Variants in SSBP3 observed in about 807,000 individuals in gnomAD.
SSBP3 encodes single stranded DNA binding protein 3.
In SSBP3, 5 loss-of-function variants were observed where a neutral mutation model predicts 69.6. The ratio of observed to expected loss-of-function variants is 0.07; its 90% CI spans 0.04 to 0.15. SSBP3 has a LOEUF of 0.15. Among genes scored for constraint, SSBP3 ranks in the 10% least tolerant of loss-of-function variants. The probability of loss-of-function intolerance (pLI) is 1.00; values close to 1 mark genes in which losing one functional copy is unlikely to be tolerated. For missense variants in SSBP3, 312 were observed against 534.0 expected (o/e 0.58, Z 4.10); for synonymous variants, 196 against 193.4 (o/e 1.01, Z -0.11).
Position 54,343,866 on chromosome 1 carries a change from C to T in SSBP3, c.276+57995G>A, listed in dbSNP as rs114006846. ...ACATCAATCACAAAAAGCTTTGGAC[C>T]AGGAGAAGGGGCTAGGAGAGCCACT... On this transcript the variant is annotated intron_variant, in intron 4 of 17. Transcript: ENST00000610401. 1.9e-3 allele frequency among the ~76,000 whole-genome samples: 285 copies of T among 152,262 alleles called. 2 individuals carry two copies. Among genetic ancestry groups the T allele is most frequent in the African/African-American group, 6.6e-3 (274 of 41,544 alleles).
Position 54,258,700 on chromosome 1 carries a change from G to A in SSBP3, c.367-551C>T, listed in dbSNP as rs528626544. 2.0e-5 allele frequency among the ~76,000 whole-genome samples: 3 copies of A among 152,300 alleles called. No individual in the cohort carries two copies. Among genetic ancestry groups the A allele is most frequent in the East Asian group, 3.9e-4 (2 of 5,176 alleles). Reference sequence around the variant, plus strand: ...GCGACGGGTTTCCTGGGGGCAGGAGGGCCGGGGGCACCGACAGATAAACAA... The same window carrying A: ...GCGACGGGTTTCCTGGGGGCAGGAGAGCCGGGGGCACCGACAGATAAACAA... On this transcript the variant is annotated intron_variant, in intron 5 of 17. Transcript: ENST00000610401. This position sits in a 1 kb window ranked among gnomAD's most constrained non-coding sequence, Gnocchi z 4.5.
intron 1 of SSBP3, chr1:54,412,661 C>G (rs1318082101): frequency 1.3e-5 from 2 of 152,204 alleles, no homozygotes; most frequent in Non-Finnish European, 2.9e-5. Flanking sequence ...CTCAATGCCA[C>G]TGAAGTGTAC....
At chr1:54,249,419 G>A (rs1028569255) in intron 9 of SSBP3, among the ~76,000 whole-genome samples, 5 of 152,324 alleles carry the variant, frequency 3.3e-5, no homozygotes, top group South Asian at 4.1e-4. Context: ...ACCTGGCCAG[G>A]CACGGTGGCT....
chr1:54,305,652 G>A (rs922934510), intron 4 of SSBP3, among the ~76,000 whole-genome samples: 12 of 150,420 alleles, frequency 8.0e-5, no homozygotes, highest in Non-Finnish European at 1.5e-4. Flanking sequence ...AGAGAGAGAC[G>A]AGGTCTCATT....
chr1:54,373,325 T>A (rs1379647638), intron 4 of SSBP3, among the ~76,000 whole-genome samples: 1 of 152,180 alleles, frequency 6.6e-6, no homozygotes, highest in Non-Finnish European at 1.5e-5. Context: ...TGTCTGGGAC[T>A]CGGTTTCCTC....
At chr1:54,299,711 T>C (rs1234497732) in intron 4 of SSBP3, among the ~76,000 whole-genome samples, 9 of 152,194 alleles carry the variant, frequency 5.9e-5, no homozygotes, top group Non-Finnish European at 1.2e-4. Context: ...CCATCTGCCA[T>C]CTAGACACGG....
In SSBP3 at chr1:54,236,260, C is replaced by T. The variant is rs183031701; in HGVS notation, c.927+2869G>A. 9.1e-4 allele frequency among the ~76,000 whole-genome samples: 139 copies of T among 152,212 alleles called. 1 individual carries two copies. The highest frequency in any genetic ancestry group is 3.2e-3 in the African/African-American group (133 of 41,544). On this transcript the variant is annotated intron_variant, in intron 14 of 17. Transcript: ENST00000610401. ...CCTCCCGAGTGGCTGGGACTACAGACATGTACCACCACACCTAGCTAATGT... is the reference window on the plus strand; with the variant it reads ...CCTCCCGAGTGGCTGGGACTACAGATATGTACCACCACACCTAGCTAATGT...
intron 5 of SSBP3, among the ~76,000 whole-genome samples, chr1:54,276,027 G>A (rs185668711): frequency 1.3e-4 from 20 of 152,300 alleles, no homozygotes; most frequent in African/African-American, 3.8e-4. Context: ...CCAATGGGAA[G>A]AGTTCTCTAG....
intron 4 of SSBP3, among the ~76,000 whole-genome samples, chr1:54,341,411 T>C (rs1272252327): frequency 6.6e-6 from 1 of 152,000 alleles, no homozygotes. Flanking sequence ...CCTTAAAAAA[T>C]TACAGTGATT....
intron 4 of SSBP3, among the ~76,000 whole-genome samples, chr1:54,340,242 G>A (rs906069838): frequency 1.3e-5 from 2 of 152,186 alleles, no homozygotes; most frequent in Admixed American, 6.5e-5. Context: ...GAAACACCCT[G>A]CACAAAGAAA....
At position 54,329,813 on chromosome 1, in the gene SSBP3, G is replaced by T. The variant is rs139644754; in HGVS notation, c.277-48286C>A. Among the ~76,000 whole-genome samples the T allele has an allele frequency of 7.2e-5, 11 of 152,246 alleles. No homozygotes were observed. In the East Asian group the frequency reaches 2.1e-3, roughly 29 times the overall value. On this transcript the variant is annotated intron_variant, in intron 4 of 17. Coordinates refer to ENST00000610401, the Ensembl canonical transcript of SSBP3. ...TCCCCTCCCTGAGAAATGGGGGAGG[G>T]GACAAGCCTGGTTGGCTGTCCTTCT...
At chr1:54,231,954 A>G (rs1644386738) in intron 14 of SSBP3, among the ~76,000 whole-genome samples, 1 of 152,180 alleles carries the variant, frequency 6.6e-6, no homozygotes, top group East Asian at 1.9e-4. Context: ...TCGGCCTCCC[A>G]AAGTGCTAGG....
chr1:54,289,281 GTA>G (rs1196606793), intron 4 of SSBP3, among the ~76,000 whole-genome samples: 3 of 151,548 alleles, frequency 2.0e-5, no homozygotes, highest in Non-Finnish European at 2.9e-5. Flanking sequence ...CAAGGGGTGT[GTA>G]TGTGTGTGTC....
rs573773076 is a variant in SSBP3 at position 54,373,125 on chromosome 1, C to T, written c.276+28736G>A. Among the ~76,000 whole-genome samples the T allele has an allele frequency of 1.4e-4, 21 of 152,310 alleles. No individual in the cohort carries two copies. In the South Asian group the frequency reaches 4.4e-3, roughly 32 times the overall value. On this transcript the variant is annotated intron_variant, in intron 4 of 17. Coordinates refer to ENST00000610401, the Ensembl canonical transcript of SSBP3. The stretch of plus-strand genomic sequence containing the variant: ...ACCTCCTGGCACAGACACTCAGCTG[C>T]CACCTGACAGCATTGCTTCACCTTC...
chr1:54,335,735 G>GT (rs1229078229), intron 4 of SSBP3: 1 of 152,228 alleles, frequency 6.6e-6, no homozygotes, highest in Admixed American at 6.5e-5. Context: ...GCACAATCCC[G>GT]TAAGACAAGC....
intron 13 of SSBP3, among the ~76,000 whole-genome samples, chr1:54,240,585 C>T (rs747423818): frequency 2.6e-5 from 4 of 151,776 alleles, no homozygotes; most frequent in Non-Finnish European, 4.4e-5. Context: ...GATGGCAGAA[C>T]CCCAAGGCCC....
At chr1:54,370,614 G>A (rs994766415) in intron 4 of SSBP3, among the ~76,000 whole-genome samples, 4 of 152,230 alleles carry the variant, frequency 2.6e-5, no homozygotes, top group East Asian at 3.9e-4. Flanking sequence ...TCAACAAAAC[G>A]GGGTAATAAG....
intron 4 of SSBP3, among the ~76,000 whole-genome samples, chr1:54,331,467 G>A (rs565256107): frequency 6.6e-6 from 1 of 152,342 alleles, no homozygotes; most frequent in Admixed American, 6.5e-5. Context: ...CAACACAATA[G>A]CAAGACTGAA....
At chr1:54,321,221 G>A (rs959193812) in intron 4 of SSBP3, among the ~76,000 whole-genome samples, 10 of 152,344 alleles carry the variant, frequency 6.6e-5, no homozygotes, top group South Asian at 4.1e-4. Context: ...CAGGGAACTC[G>A]GGCTTCACCC....
Sources: gnomAD v4.1 joint callset for allele counts (sites outside exome capture counted in the v4.1 genomes callset) on GRCh38, gnomAD v4.1.1 for gene constraint, Gnocchi (gnomAD v3.1) non-coding constraint, MANE v1.5 for transcripts, NCBI Gene and HGNC (gene_info 2026-07-23, HGNC 2026-07-21) for gene names.